Variants in CLIP2 observed in about 807,000 individuals in gnomAD.
CLIP2 encodes the protein CAP-Gly domain containing linker protein 2.
Under a neutral mutation model 111.7 loss-of-function variants are expected in CLIP2, and 41 were observed. That is an observed-to-expected ratio of 0.37 (90% CI 0.29 to 0.48). CLIP2 has a LOEUF of 0.48. Among genes scored for constraint, CLIP2 ranks in the 20% least tolerant of loss-of-function variants. The pLI is 0.99. For missense variants in CLIP2, 1,160 were observed against 1,422.1 expected (o/e 0.82, Z 2.96); for synonymous variants, 660 against 644.2 (o/e 1.02, Z -0.37).
rs782520628 is a variant in CLIP2 at position 74,338,900 on chromosome 7, C to T, written c.574C>T (p.Leu192Phe). The T allele has an allele frequency of 6.2e-7, 1 of 1,604,554 alleles. No individual in the cohort carries two copies. Among genetic ancestry groups the T allele is most frequent in the Non-Finnish European group, 8.5e-7 (1 of 1,179,892 alleles). The stretch of plus-strand genomic sequence containing the variant: ...CGTCATCCCCCTGCGGGAGAGCGTC[C>T]TCAACAGCTCCGTGAAGACTGGCAA... ...SRVIPLRESVLNSSVKTGNES... is the reference protein window; with the variant it reads ...SRVIPLRESVFNSSVKTGNES... Residue 192 changes from leucine to phenylalanine, a missense_variant, in exon 3 of 17, where the codon CTC becomes TTC. Physicochemically the swap from Leu to Phe is conservative, Grantham distance 22. Transcript: ENST00000223398. This position sits in a 1 kb window ranked among gnomAD's most constrained non-coding sequence, Gnocchi z 4.3.
chr7:74,358,997 C>A (rs947567119), intron 6 of CLIP2, among the ~76,000 whole-genome samples: 2 of 152,142 alleles, frequency 1.3e-5, no homozygotes, highest in Non-Finnish European at 2.9e-5. Flanking sequence ...CAGAGTCTCG[C>A]TCTGTCACCC....
rs139637033 is a variant in CLIP2, at chr7:74,403,841, A to G, written c.3134A>G (p.Lys1045Arg). 9.0e-5 allele frequency: 146 copies of G among 1,613,368 alleles called. No homozygotes were observed. In the African/African-American group the frequency reaches 1.8e-3, roughly 20 times the overall value. ...QQDKAQKQED[K>R]H is the part of the protein sequence containing the mutation. Reference sequence around the variant, plus strand: ...GATGCCCTTTACTCTCTCTAGGACAAGCACTGATCCTGAGGGGATACTGTG... The same window carrying G: ...GATGCCCTTTACTCTCTCTAGGACAGGCACTGATCCTGAGGGGATACTGTG... Residue 1045 changes from lysine to arginine, a missense_variant, in exon 17 of 17, where the codon AAG becomes AGG. Lys to Arg is a conservative substitution (Grantham distance 26). Around this residue, in one of 5 missense-constraint regions of CLIP2, gnomAD observed 676 missense variants for 777.8 expected, o/e 0.87. Coordinates refer to ENST00000223398, the MANE Select transcript of CLIP2 (RefSeq NM_003388.5).
intron 2 of CLIP2, among the ~76,000 whole-genome samples, chr7:74,335,627 A>G (rs1192820454): frequency 1.4e-5 from 2 of 143,122 alleles, no homozygotes; most frequent in Non-Finnish European, 1.6e-5. Context: ...GGTGTGAGCC[A>G]CTGTGCCTGG....
intron 2 of CLIP2, among the ~76,000 whole-genome samples, chr7:74,337,042 C>T (rs533483635): frequency 6.6e-6 from 1 of 152,014 alleles, no homozygotes; most frequent in East Asian, 1.9e-4. Context: ...CCCACTACCA[C>T]ATCCGGCTAA....
intron 11 of CLIP2, among the ~76,000 whole-genome samples, chr7:74,385,931 G>A (rs1227409611): frequency 2.6e-5 from 4 of 151,298 alleles, no homozygotes; most frequent in Admixed American, 6.6e-5. Flanking sequence ...TAGTAGAGAT[G>A]GGGTTTCTCC....
intron 13 of CLIP2, 158 bp downstream of exon 13, chr7:74,389,417 G>C: frequency 1.4e-6 from 1 of 691,230 alleles, no homozygotes; most frequent in Non-Finnish European, 2.3e-6. Context: ...TCTAAGCTCC[G>C]ATAAAGTCTC....
intron 8 of CLIP2, among the ~76,000 whole-genome samples, 153 bp from the exon 9 acceptor site, chr7:74,372,779 T>G (rs1473694776): frequency 4.6e-5 from 7 of 151,270 alleles, no homozygotes; most frequent in Non-Finnish European, 8.8e-5. Flanking sequence ...CAATTCTGGC[T>G]CATGAATCTA....
At chr7:74,351,756 A>ATTC (rs1554307616) in intron 3 of CLIP2, among the ~76,000 whole-genome samples, 7 of 152,164 alleles carry the variant, frequency 4.6e-5, no homozygotes, top group African/African-American at 1.7e-4. Flanking sequence ...GAACCGCTTG[A>ATTC]ACCTGGGAGG....
intron 9 of CLIP2, among the ~76,000 whole-genome samples, chr7:74,374,685 C>T (rs375926716): frequency 5.3e-5 from 8 of 152,278 alleles, no homozygotes; most frequent in African/African-American, 1.7e-4. Context: ...GGTGCCACTA[C>T]ACTCCAGCCT....
intron 3 of CLIP2, among the ~76,000 whole-genome samples, chr7:74,339,495 G>T (rs1442909517): frequency 2.0e-5 from 3 of 151,810 alleles, no homozygotes; most frequent in African/African-American, 7.3e-5. Flanking sequence ...CAGTAGAGAC[G>T]GGGTTTCACC....
At chr7:74,387,022 CAA>C (rs35422612) in intron 12 of CLIP2, among the ~76,000 whole-genome samples, 17,929 of 69,262 alleles carry the variant, frequency 0.26, 1,130 homozygotes, top group Middle Eastern at 0.34. Flanking sequence ...GACTCCATCT[CAA>C]AAAAAAAAAA....
intron 3 of CLIP2, among the ~76,000 whole-genome samples, chr7:74,342,769 C>T (rs193142921): frequency 4.6e-5 from 7 of 152,160 alleles, no homozygotes; most frequent in Non-Finnish European, 8.8e-5. Context: ...ACATGGTGGC[C>T]GGGCGCGGTG....
chr7:74,373,278 G>A (rs1554312271), intron 9 of CLIP2, among the ~76,000 whole-genome samples: 3 of 152,000 alleles, frequency 2.0e-5, no homozygotes, highest in Admixed American at 6.6e-5. Flanking sequence ...AGGGTGGATC[G>A]CCTGAGGTCA....
At chr7:74,366,697 T>A (rs2116631550) in intron 8 of CLIP2, among the ~76,000 whole-genome samples, 1 of 152,128 alleles carries the variant, frequency 6.6e-6, no homozygotes, top group Admixed American at 6.6e-5. Flanking sequence ...GCCAACGTGG[T>A]GAAACACCGT....
chr7:74,292,273 G>C (rs1236981480), intron 1 of CLIP2, among the ~76,000 whole-genome samples: 2 of 152,066 alleles, frequency 1.3e-5, no homozygotes, highest in Non-Finnish European at 2.9e-5. Flanking sequence ...ATACACAGGG[G>C]AGGGAAGCTG....
intron 13 of CLIP2, among the ~76,000 whole-genome samples, chr7:74,393,034 C>CTT (rs532112634): frequency 2.3e-4 from 28 of 120,978 alleles, no homozygotes; most frequent in Non-Finnish European, 3.0e-4. Context: ...TAAGCATTTG[C>CTT]TTTTTTTTTT....
intron 1 of CLIP2, among the ~76,000 whole-genome samples, chr7:74,308,676 T>C (rs918349666): frequency 5.9e-5 from 9 of 151,960 alleles, no homozygotes; most frequent in Admixed American, 5.9e-4. Flanking sequence ...AGCTAATTTT[T>C]GTATTTTTAG....
intron 2 of CLIP2, 50 bp downstream of exon 2, chr7:74,317,717 G>A: frequency 7.3e-7 from 1 of 1,369,270 alleles, no homozygotes; most frequent in Non-Finnish European, 9.5e-7. Flanking sequence ...TACATGGGAT[G>A]AGTGTTCTTC....
intron 8 of CLIP2, chr7:74,364,824 C>A (rs1554310480): frequency 6.6e-6 from 3 of 453,392 alleles, no homozygotes; most frequent in Non-Finnish European, 8.8e-6. Context: ...AAGTTCAAGA[C>A]CAGCCTGGGC....
Sources: gnomAD v4.1 joint callset for allele counts (sites outside exome capture counted in the v4.1 genomes callset) on GRCh38, gnomAD v4.1.1 for gene constraint, gnomAD v4.1.1 regional missense constraint, Gnocchi (gnomAD v3.1) non-coding constraint, MANE v1.5 for transcripts, NCBI Gene and HGNC (gene_info 2026-07-23, HGNC 2026-07-21) for gene names.